The following PDE3B variants were observed in gnomAD, a reference collection of about 807,000 sequenced individuals.
PDE3B encodes the protein phosphodiesterase 3B, also known as cGMP-inhibited 3',5'-cyclic phosphodiesterase 3B.
Under a neutral mutation model 116.8 loss-of-function variants are expected in PDE3B, and 66 were observed. The ratio of observed to expected loss-of-function variants is 0.56; its 90% CI spans 0.46 to 0.69. The LOEUF is 0.69. Among genes scored for constraint, PDE3B ranks in the 30% least tolerant of loss-of-function variants. The pLI is 0.00. For synonymous variants in PDE3B, 595 were observed against 533.6 expected (o/e 1.12, Z -1.59); for missense variants, 1,384 against 1,368.1 (o/e 1.01, Z -0.18).
chr11:14,874,142 G>A (rs200989799), downstream of PDE3B, among the ~76,000 whole-genome samples: 1 of 152,082 alleles, frequency 6.6e-6, no homozygotes, highest in Non-Finnish European at 1.5e-5. Context: ...ATTACAAAGT[G>A]CACTTTTTTG....
chr11:14,869,552 G>A lies in PDE3B; in HGVS notation c.3231G>A (p.Glu1077=), dbSNP rs1370294959. ...ENHKIWKEIV[E]EEEKCKADGN... ...ACAAGATATGGAAGGAAATCGTAGAGGAAGAAGAAAAATGTAAAGCTGATG... is the reference window on the plus strand; with the variant it reads ...ACAAGATATGGAAGGAAATCGTAGAAGAAGAAGAAAAATGTAAAGCTGATG... Residue 1077 remains glutamate (E), a synonymous_variant, in exon 16 of 16, where the codon GAG becomes GAA. Transcript: ENST00000282096. 2 of 1,613,838 alleles carry A rather than the reference G, an allele frequency of 1.2e-6. No individual in the cohort carries two copies. Among genetic ancestry groups the A allele is most frequent in the East Asian group, 2.2e-5 (1 of 44,872 alleles).
At chr11:14,748,326 A>C (rs144639948) in intron 1 of PDE3B, among the ~76,000 whole-genome samples, 230 of 152,310 alleles carry the variant, frequency 1.5e-3, no homozygotes, top group African/African-American at 4.8e-3. Flanking sequence ...GATTTGAGGC[A>C]GATGGCCTGA....
chr11:14,655,145 A>G (rs2133753232), intron 1 of PDE3B, among the ~76,000 whole-genome samples: 1 of 152,274 alleles, frequency 6.6e-6, no homozygotes, highest in Non-Finnish European at 1.5e-5. Flanking sequence ...CAAGGTTGGA[A>G]ATAAAAGAAT....
chr11:14,751,835 T>A (rs566443629), intron 1 of PDE3B, among the ~76,000 whole-genome samples: 2 of 152,272 alleles, frequency 1.3e-5, no homozygotes, highest in East Asian at 3.9e-4. Context: ...GGTCAAAGAT[T>A]CCCTCCATCC....
At position 14,804,683 on chromosome 11, in the gene PDE3B, T is replaced by C. The variant is rs1858867053; in HGVS notation, c.1522+633T>C. Reference sequence around the variant, plus strand: ...TGAAGAGATCAGAAAATATTATTGATAATCAAGAAAAGTAGGCACTAGAAA... The same window carrying C: ...TGAAGAGATCAGAAAATATTATTGACAATCAAGAAAAGTAGGCACTAGAAA... On this transcript the variant is annotated intron_variant, in intron 5 of 15. Coordinates refer to ENST00000282096, the MANE Select transcript of PDE3B (RefSeq NM_000922.4). 1.3e-5 allele frequency among the ~76,000 whole-genome samples: 2 copies of C among 152,102 alleles called. 1 individual carries two copies. The highest frequency in any genetic ancestry group is 4.1e-4 in the South Asian group (2 of 4,834).
chr11:14,893,811 ATTC>A, the PDE3B span, among the ~76,000 whole-genome samples: 1 of 152,178 alleles, frequency 6.6e-6, no homozygotes, highest in Non-Finnish European at 1.5e-5. Flanking sequence ...TGCAACCTTA[ATTC>A]TTCTTGCCAT....
the PDE3B span, among the ~76,000 whole-genome samples, chr11:14,898,728 T>A: frequency 6.6e-6 from 1 of 152,114 alleles, no homozygotes; most frequent in Non-Finnish European, 1.5e-5. Context: ...TCTTTTCTTT[T>A]CTTTTTTTAA....
chr11:14,847,355 A>G (rs1206938074), intron 12 of PDE3B, among the ~76,000 whole-genome samples: 3 of 151,520 alleles, frequency 2.0e-5, no homozygotes, highest in Admixed American at 6.6e-5. Context: ...GTAGAGGGAA[A>G]TTTATAGCAC....
In PDE3B at chr11:14,871,108, C is replaced by T. The variant is rs991449639; in HGVS notation, c.*1448C>T. 6.6e-6 allele frequency: 1 copy of T among 152,040 alleles called. No homozygotes were observed. The highest frequency in any genetic ancestry group is 1.5e-5 in the Non-Finnish European group (1 of 67,982). 9.4% of individuals were successfully genotyped at this position (152,040 alleles called of 1,614,324 possible). A position where few individuals can be genotyped will look rare whatever the true frequency, so the allele number is the denominator to read the frequency against. ...AACCATTAATTTTCCAAGGTAATTC[C>T]TTTAGAATATGGTATTGGCATGCAG... On this transcript the variant is annotated 3_prime_UTR_variant, in exon 16 of 16. Coordinates refer to ENST00000282096, the MANE Select transcript of PDE3B (RefSeq NM_000922.4).
chr11:14,898,842 C>T, the PDE3B span, among the ~76,000 whole-genome samples: 4 of 151,806 alleles, frequency 2.6e-5, no homozygotes, highest in East Asian at 5.8e-4. Context: ...TTTTAATCCA[C>T]GTAACTGAAA....
the PDE3B span, chr11:14,879,053 G>A: frequency 7.6e-7 from 1 of 1,307,468 alleles, no homozygotes; most frequent in Non-Finnish European, 1.1e-6. Context: ...TTAAGATGCT[G>A]TATCTAATGA....
At chr11:14,687,524 AT>A (rs1441113632) in intron 1 of PDE3B, among the ~76,000 whole-genome samples, 3 of 152,192 alleles carry the variant, frequency 2.0e-5, no homozygotes, top group Non-Finnish European at 4.4e-5. Context: ...CATTAAACTT[AT>A]GAAGATTTTA....
At chr11:14,868,569 G>T (rs913029510) in intron 15 of PDE3B, among the ~76,000 whole-genome samples, 1 of 152,102 alleles carries the variant, frequency 6.6e-6, no homozygotes, top group Non-Finnish European at 1.5e-5. Context: ...AATGGAAAAT[G>T]AAATGAAAAT....
At chr11:14,811,019 G>GT (rs1353246940) in intron 5 of PDE3B, among the ~76,000 whole-genome samples, 1 of 150,292 alleles carries the variant, frequency 6.7e-6, no homozygotes, top group African/African-American at 2.4e-5. Context: ...GGGGTTGTTT[G>GT]TTTTTTTCTT....
intron 1 of PDE3B, among the ~76,000 whole-genome samples, chr11:14,739,039 G>C (rs868573542): frequency 1.3e-5 from 2 of 152,190 alleles, no homozygotes; most frequent in Non-Finnish European, 2.9e-5. Context: ...GTAGTGTGAT[G>C]CCTCCAGCTT....
the PDE3B span, chr11:14,890,952 C>T: frequency 1.0e-5 from 10 of 985,402 alleles, no homozygotes; most frequent in East Asian, 2.3e-4. Context: ...AAAACACTGA[C>T]CACAGCCTGT....
At chr11:14,729,166 C>G (rs1856393064) in intron 1 of PDE3B, among the ~76,000 whole-genome samples, 1 of 152,192 alleles carries the variant, frequency 6.6e-6, no homozygotes, top group Non-Finnish European at 1.5e-5. Context: ...TAGATCCCAA[C>G]AGTAAATACA....
At chr11:14,857,035 TTAAG>T (rs1427311026) in intron 12 of PDE3B, among the ~76,000 whole-genome samples, 1 of 152,186 alleles carries the variant, frequency 6.6e-6, no homozygotes, top group Non-Finnish European at 1.5e-5. Context: ...TTGTTCTTAT[TTAAG>T]TGTTACTATT....
At chr11:14,717,325 A>T in intron 1 of PDE3B, among the ~76,000 whole-genome samples, 1 of 124,134 alleles carries the variant, frequency 8.1e-6, no homozygotes, top group Admixed American at 9.2e-5. Context: ...GGGAGAATGG[A>T]ACCAAGTTGG....
Sources: gnomAD v4.1 joint callset for allele counts (sites outside exome capture counted in the v4.1 genomes callset) on GRCh38, gnomAD v4.1.1 for gene constraint, MANE v1.5 for transcripts, NCBI Gene and HGNC (gene_info 2026-07-23, HGNC 2026-07-21) for gene names.